LAMA2: variants seen among roughly 807,000 people sequenced by gnomAD.
The protein encoded by LAMA2 is laminin subunit alpha 2.
A neutral mutation model predicts 364.8 loss-of-function variants in LAMA2; 269 were observed. The ratio of observed to expected loss-of-function variants is 0.74; its 90% confidence interval spans 0.67 to 0.82. The LOEUF is 0.82. LAMA2 is among the 40% of genes least tolerant of loss of function. The probability of loss-of-function intolerance (pLI) is 0.00; values close to 1 mark genes in which losing one functional copy is unlikely to be tolerated. For missense variants in LAMA2, 3,807 were observed against 3,873.2 expected (o/e 0.98, Z 0.45); for synonymous variants, 1,379 against 1,370.6 (o/e 1.01, Z -0.14).
At chr6:129,372,865 C>CTTG (rs1330828747) in intron 34 of LAMA2, among the ~76,000 whole-genome samples, 2 of 152,018 alleles carry the variant, frequency 1.3e-5, no homozygotes, top group African/African-American at 4.8e-5. Flanking sequence ...GTATCTCATT[C>CTTG]TTGTTTTAGT....
intron 15 of LAMA2, among the ~76,000 whole-genome samples, chr6:129,265,680 A>G (rs1170653738): frequency 6.6e-6 from 1 of 150,460 alleles, no homozygotes; most frequent in African/African-American, 2.4e-5. Context: ...ACACATGGAC[A>G]CAGGGAGGGG....
chr6:129,399,614 G>A (rs1007845633), intron 37 of LAMA2, among the ~76,000 whole-genome samples: 15 of 152,180 alleles, frequency 9.9e-5, no homozygotes, highest in Non-Finnish European at 2.1e-4. Flanking sequence ...GAGAATGATT[G>A]AGACAAGGAT....
intron 8 of LAMA2, among the ~76,000 whole-genome samples, chr6:129,160,599 AC>A (rs1328664120): frequency 5.3e-5 from 8 of 151,098 alleles, no homozygotes; most frequent in Non-Finnish European, 1.0e-4. Context: ...TATTCATTTG[AC>A]CTGTTTTGGT....
At chr6:129,058,286 G>C (rs1341019258) in intron 2 of LAMA2, among the ~76,000 whole-genome samples, 1 of 152,236 alleles carries the variant, frequency 6.6e-6, no homozygotes. Context: ...GGCAGCCCAG[G>C]AGTAGTGGCT....
intron 64 of LAMA2, among the ~76,000 whole-genome samples, chr6:129,515,509 A>G (rs1232289346): frequency 1.3e-5 from 2 of 152,200 alleles, no homozygotes; most frequent in African/African-American, 4.8e-5. Context: ...TAGTAGGCCT[A>G]CTGAAACAAG....
Position 129,460,300 on chromosome 6 carries a change from G to A in LAMA2, c.6968G>A (p.Gly2323Asp). The A allele has an allele frequency of 6.2e-7, 1 of 1,612,310 alleles. No individual in the cohort carries two copies. Among genetic ancestry groups the A allele is most frequent in the Non-Finnish European group, 8.5e-7 (1 of 1,178,786 alleles). ...IGLWNFREKE[G>D]DCKGCTVSPQ... ...TTGTGGAATTTCCGAGAAAAAGAAG[G>A]TGACTGCAAAGGATGCACTGTCAGG... is the stretch of plus-strand genomic sequence containing the variant. The change falls in exon 49 of 65, where the codon GGT becomes GAT. Residue 2323 changes from glycine (G) to aspartate (D), a missense_variant. This residue lies in a region of LAMA2 where 3,333 missense variants were observed against 3,345.7 expected (regional missense o/e 1.00). Coordinates refer to ENST00000421865, the MANE Select transcript of LAMA2 (RefSeq NM_000426.4).
At chr6:128,979,033 G>T (rs1034077646) in intron 1 of LAMA2, among the ~76,000 whole-genome samples, 3 of 152,180 alleles carry the variant, frequency 2.0e-5, no homozygotes, top group South Asian at 2.1e-4. Context: ...ATTACTTTAA[G>T]AATTTGGTGC....
intron 22 of LAMA2, 67 bp from the exon 23 acceptor site, chr6:129,312,794 G>A: frequency 1.9e-6 from 2 of 1,073,306 alleles, no homozygotes; most frequent in African/African-American, 1.6e-5. Context: ...AGAAACATTA[G>A]AATTAAAATT....
chr6:129,081,283 A>G (rs1214373706), intron 3 of LAMA2, among the ~76,000 whole-genome samples: 1 of 151,962 alleles, frequency 6.6e-6, no homozygotes, highest in Non-Finnish European at 1.5e-5. Context: ...TAGGAGATAC[A>G]CCTAATGTAA....
At chr6:129,390,531 C>T (rs1340254519) in intron 35 of LAMA2, among the ~76,000 whole-genome samples, 1 of 151,914 alleles carries the variant, frequency 6.6e-6, no homozygotes, top group East Asian at 1.9e-4. Flanking sequence ...TCTTGGCCAA[C>T]CGAGACCCCT....
At chr6:129,199,889 G>T (rs1446584206) in intron 12 of LAMA2, among the ~76,000 whole-genome samples, 1 of 151,846 alleles carries the variant, frequency 6.6e-6, no homozygotes, top group East Asian at 2.0e-4. Context: ...GACCACCCTG[G>T]CCAACATGGC....
chr6:128,933,089 T>C (rs1216636149), intron 1 of LAMA2, among the ~76,000 whole-genome samples: 3 of 152,214 alleles, frequency 2.0e-5, no homozygotes, highest in Non-Finnish European at 4.4e-5. Context: ...AGTGAGATCA[T>C]ACTGTATTTG....
intron 32 of LAMA2, among the ~76,000 whole-genome samples, chr6:129,361,104 A>G (rs1484005276): frequency 1.3e-5 from 2 of 152,212 alleles, no homozygotes; most frequent in African/African-American, 4.8e-5. Context: ...GAAACATCCT[A>G]TTATCATTAC....
At chr6:129,338,504 A>G (rs1321345128) in intron 29 of LAMA2, among the ~76,000 whole-genome samples, 2 of 152,200 alleles carry the variant, frequency 1.3e-5, no homozygotes, top group African/African-American at 4.8e-5. Context: ...ATGGTTGAAT[A>G]AAAGAGGATT....
intron 55 of LAMA2, among the ~76,000 whole-genome samples, 169 bp from the exon 56 acceptor site, chr6:129,486,305 G>A (rs1275995934): frequency 6.6e-6 from 1 of 152,194 alleles, no homozygotes; most frequent in African/African-American, 2.4e-5. Flanking sequence ...AATGGTAAAT[G>A]ATTAGAAAGA....
intron 29 of LAMA2, among the ~76,000 whole-genome samples, chr6:129,341,358 G>A (rs1031751274): frequency 9.2e-5 from 14 of 152,024 alleles, no homozygotes; most frequent in Non-Finnish European, 1.5e-4. Context: ...CTTTTCTTTC[G>A]ATATTGTTTA....
intron 1 of LAMA2, among the ~76,000 whole-genome samples, chr6:128,948,060 A>G (rs1453266979): frequency 6.6e-6 from 1 of 152,158 alleles, no homozygotes; most frequent in East Asian, 1.9e-4. Context: ...GTGGGGAGTT[A>G]AAAGAGCCTG....
intron 1 of LAMA2, among the ~76,000 whole-genome samples, chr6:129,046,123 G>T (rs1201335632): frequency 1.3e-5 from 2 of 152,140 alleles, no homozygotes; most frequent in African/African-American, 4.8e-5. Context: ...AGAATTCCCA[G>T]CATGTCTCTT....
chr6:129,099,303 A>C (rs1351764929), intron 4 of LAMA2, among the ~76,000 whole-genome samples: 1 of 151,946 alleles, frequency 6.6e-6, no homozygotes, highest in Non-Finnish European at 1.5e-5. Context: ...GCTGAAATGC[A>C]CACTAAGTAC....
Sources: gnomAD v4.1 joint callset for allele counts (sites outside exome capture counted in the v4.1 genomes callset) on GRCh38, gnomAD v4.1.1 for gene constraint, gnomAD v4.1.1 regional missense constraint, MANE v1.5 for transcripts, NCBI Gene and HGNC (gene_info 2026-07-23, HGNC 2026-07-21) for gene names.